Variants in TNNI3K observed in about 807,000 individuals in gnomAD.
TNNI3K encodes serine/threonine-protein kinase TNNI3K.
A neutral mutation model predicts 114.5 loss-of-function variants in TNNI3K; 140 were observed. The ratio of observed to expected loss-of-function variants is 1.22; its 90% CI spans 1.07 to 1.41. TNNI3K has a LOEUF of 1.41. Among genes scored for constraint, TNNI3K ranks in the 40% most tolerant of loss-of-function variants. The pLI, the probability that TNNI3K is intolerant of heterozygous loss-of-function variation, is 0.00. For synonymous variants in TNNI3K, 347 were observed against 347.5 expected (o/e 1.00, Z 0.02); for missense variants, 1,125 against 1,007.6 (o/e 1.12, Z -1.58).
chr1:74,432,224 A>T (rs543923761), intron 17 of TNNI3K, among the ~76,000 whole-genome samples: 1 of 152,286 alleles, frequency 6.6e-6, no homozygotes, highest in South Asian at 2.1e-4. Context: ...CTGTCAAATC[A>T]AATCAAATTT....
intron 5 of TNNI3K, among the ~76,000 whole-genome samples, chr1:74,328,435 G>A (rs17095146): frequency 0.069 from 10,498 of 152,074 alleles, 432 homozygotes; most frequent in African/African-American, 0.11. Context: ...CCATATTCCC[G>A]TTAGAATGCT....
intron 20 of TNNI3K, among the ~76,000 whole-genome samples, 169 bp downstream of exon 20, chr1:74,439,791 T>A (rs1028435507): frequency 1.3e-5 from 2 of 152,100 alleles, no homozygotes. Context: ...CCAGAAAATT[T>A]AATGACTTAC....
intron 5 of TNNI3K, among the ~76,000 whole-genome samples, chr1:74,274,874 C>G (rs1185199486): frequency 6.6e-6 from 1 of 152,028 alleles, no homozygotes; most frequent in East Asian, 1.9e-4. Flanking sequence ...AACAGAATAC[C>G]TCTTTTGTAA....
chr1:74,521,267 A>G (rs1404133870), intron 23 of TNNI3K, among the ~76,000 whole-genome samples: 5 of 152,166 alleles, frequency 3.3e-5, no homozygotes, highest in South Asian at 2.1e-4. Flanking sequence ...GCCCAAGCTC[A>G]TTAACTTCTT....
At chr1:74,360,756 C>G (rs1020941727) in intron 11 of TNNI3K, among the ~76,000 whole-genome samples, 2 of 152,062 alleles carry the variant, frequency 1.3e-5, no homozygotes, top group African/African-American at 4.8e-5. Flanking sequence ...AGAAAGTCTT[C>G]CCTGACATTC....
At chr1:74,541,341 C>G (rs1646724337) in intron 24 of TNNI3K, among the ~76,000 whole-genome samples, 1 of 152,052 alleles carries the variant, frequency 6.6e-6, no homozygotes, top group Non-Finnish European at 1.5e-5. Flanking sequence ...TATTTGGGCA[C>G]ATTTAAAAAA....
At position 74,382,367 on chromosome 1, in the gene TNNI3K, A is replaced by G. The variant is rs2100550817; in HGVS notation, c.1772+11975A>G. ...GTACCAGGACAACAGTCAATGGAGG[A>G]TTTTAGAGAAAGATTCTGCAAGAGA... On this transcript the variant is annotated intron_variant, in intron 17 of 24. Coordinates refer to ENST00000326637, the MANE Select transcript of TNNI3K (RefSeq NM_015978.3). Among the ~76,000 whole-genome samples, 3 of 152,316 alleles carry G rather than the reference A, an allele frequency of 2.0e-5. No homozygotes were observed. The South Asian group carries it at 6.2e-4, about 32-fold the overall frequency.
rs1190284805 is a variant in TNNI3K at position 74,369,107 on chromosome 1, T to C, written c.1407T>C (p.Ile469=). The C allele has an allele frequency of 2.7e-5, 44 of 1,608,508 alleles. No individual in the cohort carries two copies. Among genetic ancestry groups the C allele is most frequent in the Non-Finnish European group, 3.7e-5 (44 of 1,177,792 alleles). ...QLSEIEFHEI[I]GSGSFGKVYK... ...CAGAAATTGAGTTCCATGAGATTAT[T>C]GGCTCAGGTAACCTAAAATAAATAA... Residue 469 remains isoleucine, a synonymous_variant, in exon 14 of 25, where the codon ATT becomes ATC. Transcript: ENST00000326637.
chr1:74,253,913 G>A lies in TNNI3K; in HGVS notation c.333+3144G>A, dbSNP rs549331198. Among the ~76,000 whole-genome samples the A allele has an allele frequency of 3.9e-5, 6 of 152,316 alleles. No individual in the cohort carries two copies. The South Asian group carries it at 1.2e-3, about 32-fold the overall frequency. On this transcript the variant is annotated intron_variant, in intron 4 of 24. Coordinates refer to ENST00000326637, the MANE Select transcript of TNNI3K (RefSeq NM_015978.3). The stretch of plus-strand genomic sequence containing the variant: ...GCTGCCAGCACGCTGTCACCTCTTA[G>A]TTGTTCACACTACCAGGCATTAAAC...
At position 74,407,744 on chromosome 1, in the gene TNNI3K, A is replaced by G. The variant is rs549423348; in HGVS notation, c.1773-28336A>G. On this transcript the variant is annotated intron_variant, in intron 17 of 24. Transcript: ENST00000326637. ...TACATCAACTTTCTGTGCTATTTGT[A>G]CAGAATGGTACAATTTAGAACCTTT... Among the ~76,000 whole-genome samples the G allele has an allele frequency of 2.0e-5, 3 of 152,306 alleles. No individual in the cohort carries two copies. The South Asian group carries it at 6.2e-4, about 32-fold the overall frequency.
chr1:74,280,473 C>T (rs1402536895), intron 5 of TNNI3K, among the ~76,000 whole-genome samples: 1 of 152,124 alleles, frequency 6.6e-6, no homozygotes, highest in East Asian at 1.9e-4. Context: ...CCCCACCTCC[C>T]CACTAGTGGC....
At chr1:74,391,827 G>C (rs1265320064) in intron 17 of TNNI3K, among the ~76,000 whole-genome samples, 1 of 152,128 alleles carries the variant, frequency 6.6e-6, no homozygotes, top group Non-Finnish European at 1.5e-5. Context: ...AGCAAATGGT[G>C]CTATGGGAGC....
At chr1:74,291,600 C>G (rs1404282355) in intron 5 of TNNI3K, among the ~76,000 whole-genome samples, 1 of 151,438 alleles carries the variant, frequency 6.6e-6, no homozygotes, top group Non-Finnish European at 1.5e-5. Flanking sequence ...TATATTCTAT[C>G]CTAAGTTGAC....
intron 5 of TNNI3K, among the ~76,000 whole-genome samples, chr1:74,289,959 A>G (rs1020861854): frequency 1.3e-5 from 2 of 151,796 alleles, no homozygotes; most frequent in African/African-American, 4.8e-5. Flanking sequence ...AATCTAGTCA[A>G]TCACCATTTT....
intron 5 of TNNI3K, among the ~76,000 whole-genome samples, chr1:74,289,730 G>T (rs1295888339): frequency 6.6e-6 from 1 of 151,876 alleles, no homozygotes; most frequent in Non-Finnish European, 1.5e-5. Flanking sequence ...ATTTATATCT[G>T]CTGTTTCTCC....
At chr1:74,253,666 C>T (rs1655096325) in intron 4 of TNNI3K, among the ~76,000 whole-genome samples, 2 of 152,168 alleles carry the variant, frequency 1.3e-5, no homozygotes, top group Non-Finnish European at 2.9e-5. Context: ...CGCCCACGCC[C>T]ACCCAGAACT....
At chr1:74,451,542 A>G (rs2100697938) in intron 20 of TNNI3K, among the ~76,000 whole-genome samples, 1 of 151,704 alleles carries the variant, frequency 6.6e-6, no homozygotes, top group South Asian at 2.1e-4. Context: ...CTTCTTTGGG[A>G]TTTCTACATA....
In TNNI3K at chr1:74,535,997, A is replaced by C. The variant is rs1570755333; in HGVS notation, c.2352-4237A>C. ...AAATCTAGAATGATTTTCTTTTCTT[A>C]ATGTATCCATGGTAGCTCCTAGTAA... On this transcript the variant is annotated intron_variant, in intron 23 of 24. Transcript: ENST00000326637. 2.6e-5 allele frequency among the ~76,000 whole-genome samples: 4 copies of C among 152,244 alleles called. No homozygotes were observed. In the South Asian group the frequency reaches 8.3e-4, roughly 32 times the overall value.
chr1:74,348,085 T>G (rs964556286), intron 9 of TNNI3K, among the ~76,000 whole-genome samples: 1 of 152,210 alleles, frequency 6.6e-6, no homozygotes, highest in Middle Eastern at 3.2e-3. Flanking sequence ...GCCTATGTCC[T>G]GAATGGTATT....
Sources: gnomAD v4.1 joint callset for allele counts (sites outside exome capture counted in the v4.1 genomes callset) on GRCh38, gnomAD v4.1.1 for gene constraint, MANE v1.5 for transcripts, NCBI Gene and HGNC (gene_info 2026-07-23, HGNC 2026-07-21) for gene names.